SPAG16: variants seen among roughly 807,000 people sequenced by gnomAD.
The protein encoded by SPAG16 is sperm associated antigen 16, also known as sperm-associated antigen 16 protein.
SPAG16 carries 86 observed loss-of-function variants against 80.4 expected under a neutral mutation model. The observed-to-expected ratio is 1.07, with a 90% CI of 0.90 to 1.28. The LOEUF (loss-of-function observed/expected upper bound fraction) is 1.28, where lower values mean the gene tolerates loss of function less well. Among genes scored for constraint, SPAG16 ranks in the 50% most tolerant of loss-of-function variants. SPAG16 has a pLI of 0.00. For missense variants in SPAG16, 870 were observed against 765.3 expected (o/e 1.14, Z -1.61); for synonymous variants, 294 against 265.9 (o/e 1.11, Z -1.03).
At chr2:214,271,427 G>A (rs1691991629) in intron 15 of SPAG16, among the ~76,000 whole-genome samples, 1 of 152,092 alleles carries the variant, frequency 6.6e-6, no homozygotes, top group Non-Finnish European at 1.5e-5. Flanking sequence ...AAATTTAGAG[G>A]TTTGTTGGAA....
At chr2:213,904,617 AAAAAC>A (rs80315846) in intron 11 of SPAG16, among the ~76,000 whole-genome samples, 8 of 151,256 alleles carry the variant, frequency 5.3e-5, no homozygotes, top group Non-Finnish European at 7.4e-5. Flanking sequence ...AAAAAAAAAA[AAAAAC>A]AAAGTAGGTA....
At chr2:213,702,009 G>A (rs1356174205) in intron 10 of SPAG16, among the ~76,000 whole-genome samples, 2 of 152,164 alleles carry the variant, frequency 1.3e-5, no homozygotes, top group African/African-American at 4.8e-5. Context: ...TTTGTGTCTA[G>A]CTGAAGGTTT....
At chr2:213,501,478 T>C (rs2125777215) in intron 10 of SPAG16, among the ~76,000 whole-genome samples, 1 of 152,352 alleles carries the variant, frequency 6.6e-6, no homozygotes, top group South Asian at 2.1e-4. Context: ...TTTCTAGCTT[T>C]TCTTCCTAAT....
At chr2:213,939,141 T>A (rs1054278597) in intron 12 of SPAG16, among the ~76,000 whole-genome samples, 1 of 152,182 alleles carries the variant, frequency 6.6e-6, no homozygotes, top group African/African-American at 2.4e-5. Flanking sequence ...CCTGATTTTT[T>A]CCATACTTTT....
intron 10 of SPAG16, among the ~76,000 whole-genome samples, chr2:213,747,714 G>A (rs1465183380): frequency 3.9e-5 from 6 of 152,180 alleles, no homozygotes; most frequent in Non-Finnish European, 8.8e-5. Flanking sequence ...ATCTAGGTTT[G>A]TATAAGTACA....
intron 13 of SPAG16, among the ~76,000 whole-genome samples, chr2:214,030,982 C>T (rs2048376894): frequency 6.6e-6 from 1 of 152,170 alleles, no homozygotes; most frequent in South Asian, 2.1e-4. Flanking sequence ...TATGATTCTT[C>T]AGGGAGTCTT....
chr2:214,163,448 G>T (rs2056527489), intron 15 of SPAG16, among the ~76,000 whole-genome samples: 1 of 151,336 alleles, frequency 6.6e-6, no homozygotes, highest in African/African-American at 2.4e-5. Context: ...CAGTATGCTT[G>T]CTTAGAAAAA....
At chr2:213,365,749 C>T (rs772047059) in intron 8 of SPAG16, among the ~76,000 whole-genome samples, 5 of 151,840 alleles carry the variant, frequency 3.3e-5, no homozygotes, top group African/African-American at 9.7e-5. Context: ...TGAGCCACTG[C>T]GCCCAATCAA....
intron 10 of SPAG16, among the ~76,000 whole-genome samples, chr2:213,809,343 G>A (rs1304715793): frequency 6.6e-6 from 1 of 152,058 alleles, no homozygotes; most frequent in African/African-American, 2.4e-5. Flanking sequence ...GTGGAAAGGT[G>A]GACTTGGGTA....
intron 15 of SPAG16, among the ~76,000 whole-genome samples, chr2:214,405,157 C>T (rs922613103): frequency 2.6e-5 from 4 of 151,936 alleles, no homozygotes; most frequent in African/African-American, 9.7e-5. Context: ...CAGGGACTTG[C>T]GCTACCACCC....
At chr2:214,395,146 T>C (rs1701295061) in intron 15 of SPAG16, among the ~76,000 whole-genome samples, 1 of 152,208 alleles carries the variant, frequency 6.6e-6, no homozygotes, top group Admixed American at 6.5e-5. Flanking sequence ...TTTTGGCAAT[T>C]ATGAATGAAG....
intron 10 of SPAG16, among the ~76,000 whole-genome samples, chr2:213,766,079 T>C (rs961622937): frequency 6.6e-6 from 1 of 152,222 alleles, no homozygotes; most frequent in African/African-American, 2.4e-5. Context: ...AAGAATACAC[T>C]GTGTCTTGGG....
chr2:213,621,773 G>T (rs1347520841), intron 10 of SPAG16, among the ~76,000 whole-genome samples: 2 of 152,246 alleles, frequency 1.3e-5, no homozygotes, highest in African/African-American at 2.4e-5. Flanking sequence ...TTATTTGAAA[G>T]GTTTGATATA....
At chr2:213,311,552 T>C (rs1230358087) in intron 4 of SPAG16, among the ~76,000 whole-genome samples, 2 of 151,678 alleles carry the variant, frequency 1.3e-5, no homozygotes, top group Non-Finnish European at 3.0e-5. Flanking sequence ...TTACTGTTAG[T>C]ATTAGGATTT....
chr2:214,005,609 A>G (rs540782913), intron 12 of SPAG16, among the ~76,000 whole-genome samples: 22 of 152,280 alleles, frequency 1.4e-4, no homozygotes, highest in East Asian at 1.2e-3. Flanking sequence ...TCCATGGTAG[A>G]TTTTATTTAG....
At chr2:213,986,027 G>A (rs1217406555) in intron 12 of SPAG16, among the ~76,000 whole-genome samples, 2 of 152,022 alleles carry the variant, frequency 1.3e-5, no homozygotes, top group South Asian at 2.1e-4. Flanking sequence ...ATATGCACTC[G>A]ATATGTAAAT....
intron 15 of SPAG16, among the ~76,000 whole-genome samples, chr2:214,395,090 C>T (rs994639873): frequency 2.6e-5 from 4 of 152,124 alleles, no homozygotes; most frequent in African/African-American, 4.8e-5. Context: ...GGATGTACCA[C>T]GCTTTATTAA....
At chr2:213,654,600 C>A (rs973962332) in intron 10 of SPAG16, among the ~76,000 whole-genome samples, 4 of 148,948 alleles carry the variant, frequency 2.7e-5, no homozygotes, top group Non-Finnish European at 5.9e-5. Context: ...GCCTGTAGTC[C>A]CAGCTACTCG....
intron 15 of SPAG16, among the ~76,000 whole-genome samples, chr2:214,277,324 T>C (rs1387560313): frequency 6.6e-6 from 1 of 152,190 alleles, no homozygotes; most frequent in East Asian, 1.9e-4. Flanking sequence ...CCAGCTTTGT[T>C]CTGTTGCTGG....
Sources: allele counts gnomAD v4.1 joint callset (sites outside exome capture counted in the v4.1 genomes callset), GRCh38; gene constraint gnomAD v4.1.1; transcripts MANE v1.5; gene names NCBI Gene and HGNC (gene_info 2026-07-23, HGNC 2026-07-21).